The following CPS1 variants were observed in gnomAD, a reference collection of about 807,000 sequenced individuals.
The protein encoded by CPS1 is carbamoyl-phosphate synthase 1.
Under a neutral mutation model 174.6 loss-of-function variants are expected in CPS1, and 109 were observed. That is an observed-to-expected ratio of 0.62 (90% confidence interval 0.53 to 0.73). The LOEUF is 0.73. Among genes scored for constraint, CPS1 ranks in the 30% least tolerant of loss-of-function variants. CPS1 has a pLI of 0.00. For synonymous variants in CPS1, 637 were observed against 632.0 expected (o/e 1.01, Z -0.12); for missense variants, 1,689 against 1,821.9 (o/e 0.93, Z 1.33).
chr2:210,485,296 C>T (rs555487339), intron 1 of CPS1, among the ~76,000 whole-genome samples: 126 of 151,104 alleles, frequency 8.3e-4, no homozygotes, highest in Middle Eastern at 3.4e-3. Context: ...CATAAGTAAA[C>T]GGTATCTAAA....
chr2:210,563,031 A>G (rs1697156149), intron 1 of CPS1, among the ~76,000 whole-genome samples: 1 of 152,184 alleles, frequency 6.6e-6, no homozygotes. Flanking sequence ...ACAAGGACAC[A>G]TGGATGCCTG....
chr2:210,572,872 C>A (rs943765303), intron 1 of CPS1, among the ~76,000 whole-genome samples: 5 of 151,964 alleles, frequency 3.3e-5, no homozygotes, highest in South Asian at 2.1e-4. Context: ...GGCTCTAAAT[C>A]TCAGAGTGAT....
At chr2:210,645,654 A>T (rs939871577) in intron 25 of CPS1, among the ~76,000 whole-genome samples, 1 of 152,152 alleles carries the variant, frequency 6.6e-6, no homozygotes, top group Non-Finnish European at 1.5e-5. Context: ...GTGGTGGTGC[A>T]TGCCTGTAAT....
At chr2:210,640,447 A>T (rs1424732709) in intron 24 of CPS1, among the ~76,000 whole-genome samples, 1 of 152,346 alleles carries the variant, frequency 6.6e-6, no homozygotes, top group Non-Finnish European at 1.5e-5. Flanking sequence ...TACATTGCAG[A>T]TACCACCTCT....
intron 1 of CPS1, among the ~76,000 whole-genome samples, chr2:210,515,944 A>G (rs1238066350): frequency 6.6e-6 from 1 of 151,682 alleles, no homozygotes; most frequent in Non-Finnish European, 1.5e-5. Context: ...TTTCTTCCTT[A>G]ATTTCATTGT....
chr2:210,586,122 A>G (rs952533358), intron 6 of CPS1, among the ~76,000 whole-genome samples: 2 of 151,970 alleles, frequency 1.3e-5, no homozygotes, highest in Non-Finnish European at 2.9e-5. Flanking sequence ...ATTATCTGGT[A>G]TTCCGGCTCC....
chr2:210,561,264 T>C (rs1159343860), intron 1 of CPS1, among the ~76,000 whole-genome samples: 1 of 152,112 alleles, frequency 6.6e-6, no homozygotes, highest in East Asian at 1.9e-4. Context: ...AGTGTCATGG[T>C]GTATCTCTTT....
At chr2:210,564,012 A>G (rs1054895302) in intron 1 of CPS1, among the ~76,000 whole-genome samples, 1 of 152,236 alleles carries the variant, frequency 6.6e-6, no homozygotes, top group Non-Finnish European at 1.5e-5. Context: ...GTGGTCCCAT[A>G]AAGTTTATGA....
At chr2:210,514,978 C>G (rs752934547) in intron 1 of CPS1, among the ~76,000 whole-genome samples, 4 of 150,926 alleles carry the variant, frequency 2.7e-5, no homozygotes, top group African/African-American at 7.3e-5. Flanking sequence ...TGTTAATTCT[C>G]TTTATGTGGT....
chr2:210,504,785 G>T (rs921258099), intron 1 of CPS1, among the ~76,000 whole-genome samples: 4 of 152,178 alleles, frequency 2.6e-5, no homozygotes. Context: ...TAAGTACATT[G>T]TGGCATACCC....
At chr2:210,667,488 A>G (rs1245899545) in intron 33 of CPS1, among the ~76,000 whole-genome samples, 1 of 152,136 alleles carries the variant, frequency 6.6e-6, no homozygotes, top group Non-Finnish European at 1.5e-5. Flanking sequence ...AATTACCGTA[A>G]ACCTAAATGG....
At chr2:210,531,318 C>T (rs1014021457) in intron 1 of CPS1, among the ~76,000 whole-genome samples, 2 of 152,128 alleles carry the variant, frequency 1.3e-5, no homozygotes, top group Non-Finnish European at 2.9e-5. Context: ...TTCTGCCAGC[C>T]TTGGCTCCTG....
At chr2:210,494,651 C>T (rs1694947830) in intron 1 of CPS1, among the ~76,000 whole-genome samples, 1 of 148,164 alleles carries the variant, frequency 6.7e-6, no homozygotes, top group African/African-American at 2.5e-5. Flanking sequence ...AAAAAAAATA[C>T]AGCAGGATCA....
chr2:210,501,429 CCCAA>C (rs1448223737), intron 1 of CPS1, among the ~76,000 whole-genome samples: 9 of 152,118 alleles, frequency 5.9e-5, no homozygotes, highest in Admixed American at 5.9e-4. Flanking sequence ...AAGTTGCAAT[CCCAA>C]ACCATATCTT....
chr2:210,653,941 A>G (rs1289369379), intron 28 of CPS1, 84 bp from the exon 29 acceptor site: 2 of 1,078,436 alleles, frequency 1.9e-6, no homozygotes, highest in African/African-American at 1.5e-5. Flanking sequence ...CCTGATACTT[A>G]TAATACTTAA....
At chr2:210,502,967 C>A (rs984511632) in intron 1 of CPS1, among the ~76,000 whole-genome samples, 1 of 152,120 alleles carries the variant, frequency 6.6e-6, no homozygotes, top group Non-Finnish European at 1.5e-5. Context: ...CATTCTGATT[C>A]CTTTTATTTG....
intron 28 of CPS1, among the ~76,000 whole-genome samples, chr2:210,652,146 T>A (rs11681045): frequency 2.0e-5 from 3 of 152,042 alleles, no homozygotes; most frequent in Non-Finnish European, 4.4e-5. Context: ...GAACAGCATT[T>A]ATGAAGGTCT....
chr2:210,678,112 C>A lies in CPS1; in HGVS notation c.*127C>A. The A allele has an allele frequency of 1.2e-6, 1 of 803,434 alleles. No individual in the cohort carries two copies. Among genetic ancestry groups the A allele is most frequent in the Non-Finnish European group, 2.2e-6 (1 of 447,794 alleles). The allele number at this position is 803,434 out of a possible 1,614,324, so 49.8% of individuals were successfully genotyped here. ...CTTCATTTCAGTTTACTTTGTTATG[C>A]CTTAATATTCTGTGTCTTTTGCAAT... On this transcript the variant is annotated 3_prime_UTR_variant, in exon 38 of 38. Transcript: ENST00000233072.
At chr2:210,580,854 G>C (rs1194793990) in intron 5 of CPS1, among the ~76,000 whole-genome samples, 1 of 133,974 alleles carries the variant, frequency 7.5e-6, no homozygotes, top group African/African-American at 2.9e-5. Context: ...ACAGGACCCT[G>C]TCTCAAAAAA....
Sources: allele counts gnomAD v4.1 joint callset (sites outside exome capture counted in the v4.1 genomes callset), GRCh38; gene constraint gnomAD v4.1.1; transcripts MANE v1.5; gene names NCBI Gene and HGNC (gene_info 2026-07-23, HGNC 2026-07-21).